The following PXDC1 variants were observed in gnomAD, a reference collection of about 807,000 sequenced individuals.
PXDC1 encodes the protein PX domain-containing protein 1.
Under a neutral mutation model 24.4 loss-of-function variants are expected in PXDC1, and 13 were observed. The observed-to-expected ratio is 0.53, with a 90% CI of 0.35 to 0.85. PXDC1 has a LOEUF of 0.85. Ranked by LOEUF, PXDC1 falls within the 40% of genes least tolerant of loss-of-function variation. PXDC1 has a pLI of 0.01. For missense variants in PXDC1, 344 were observed against 309.3 expected (o/e 1.11, Z -0.84); for synonymous variants, 162 against 124.9 (o/e 1.30, Z -1.98).
chr6:3,750,150 G>C (rs1760668378), intron 1 of PXDC1, among the ~76,000 whole-genome samples: 2 of 152,226 alleles, frequency 1.3e-5, no homozygotes, highest in Non-Finnish European at 1.5e-5. Flanking sequence ...AATTATCCAC[G>C]TAATTCTCAC....
intron 1 of PXDC1, among the ~76,000 whole-genome samples, chr6:3,744,844 T>C (rs1200756831): frequency 1.3e-5 from 2 of 152,204 alleles, no homozygotes; most frequent in African/African-American, 4.8e-5. Flanking sequence ...ACTACAGGCA[T>C]GCGCGCTACC....
chr6:3,751,565 C>T lies in PXDC1; in HGVS notation c.-34G>A. 6.7e-7 allele frequency: 1 copy of T among 1,484,194 alleles called. No homozygotes were observed. 91.9% of individuals were successfully genotyped at this position (1,484,194 alleles called of 1,614,324 possible). A position where few individuals can be genotyped will look rare whatever the true frequency, so the allele number is the denominator to read the frequency against. On this transcript the variant is annotated 5_prime_UTR_variant, in exon 1 of 5. Coordinates refer to ENST00000380283, the MANE Select transcript of PXDC1 (RefSeq NM_183373.4). Reference sequence around the variant, plus strand: ...CATGCCCCCGCCAAGGGCTCCCCAGCCCCGCCGCCCGCCCGCCCGCAGGAG... The same window carrying T: ...CATGCCCCCGCCAAGGGCTCCCCAGTCCCGCCGCCCGCCCGCCCGCAGGAG...
At chr6:3,750,715 G>A (rs1461567416) in intron 1 of PXDC1, among the ~76,000 whole-genome samples, 1 of 152,170 alleles carries the variant, frequency 6.6e-6, no homozygotes, top group Non-Finnish European at 1.5e-5. Context: ...GCTGTCCGCG[G>A]CAGCCGCGGG....
chr6:3,747,098 A>C (rs893832445), intron 1 of PXDC1, among the ~76,000 whole-genome samples: 1 of 151,848 alleles, frequency 6.6e-6, no homozygotes, highest in Non-Finnish European at 1.5e-5. Context: ...AAAACGCTAA[A>C]ATGCCGCCTC....
At chr6:3,735,628 G>T (rs1760300138) in intron 3 of PXDC1, among the ~76,000 whole-genome samples, 1 of 152,200 alleles carries the variant, frequency 6.6e-6, no homozygotes, top group South Asian at 2.1e-4. Flanking sequence ...GGTGGACAGG[G>T]AAAGGCTGGT....
chr6:3,723,167 CT>C lies in PXDC1; in HGVS notation c.*451del, dbSNP rs1272949473. ...TGCCTGTGGCACCTGGAATGGGTGACTTGTCAAAATCTCCCTCAAGACGTTT... is the reference window on the plus strand; with the variant it reads ...TGCCTGTGGCACCTGGAATGGGTGACTGTCAAAATCTCCCTCAAGACGTTT... On this transcript the variant is annotated 3_prime_UTR_variant, in exon 5 of 5. Coordinates refer to ENST00000380283, the MANE Select transcript of PXDC1 (RefSeq NM_183373.4). 1 of 160,132 alleles carries C rather than the reference CT, an allele frequency of 6.2e-6. No individual in the cohort carries two copies. Among genetic ancestry groups the C allele is most frequent in the Admixed American group, 6.4e-5 (1 of 15,594 alleles). The allele number at this position is 160,132 out of a possible 1,614,324, so 9.9% of individuals were successfully genotyped here.
At chr6:3,727,790 A>T (rs7767269) in intron 3 of PXDC1, 128 bp from the exon 4 acceptor site, 135,274 of 647,956 alleles carry the variant, frequency 0.21, 15,822 homozygotes, top group African/African-American at 0.39. Context: ...CCACACCGTA[A>T]GAGAATGCCG....
In PXDC1 at chr6:3,751,558, TCCCCAGCCCCGC is replaced by T; in HGVS notation, c.-39_-28del. On this transcript the variant is annotated 5_prime_UTR_variant, in exon 1 of 5. Coordinates refer to ENST00000380283, the MANE Select transcript of PXDC1 (RefSeq NM_183373.4). ...TCGCACGCATGCCCCCGCCAAGGGC[TCCCCAGCCCCGC>T]CGCCCGCCCGCCCGCAGGAGGCGCG... 6.7e-7 allele frequency: 1 copy of T among 1,502,632 alleles called. No homozygotes were observed. The highest frequency in any genetic ancestry group is 1.5e-5 in the African/African-American group (1 of 68,798). 93.1% of individuals were successfully genotyped at this position (1,502,632 alleles called of 1,614,324 possible).
rs1469047195 is a variant in PXDC1 at position 3,751,543 on chromosome 6, G to A, written c.-12C>T. 5 of 1,555,948 alleles carry A rather than the reference G, an allele frequency of 3.2e-6. No homozygotes were observed. The Admixed American group carries it at 7.3e-5, about 23-fold the overall frequency. On this transcript the variant is annotated 5_prime_UTR_variant, in exon 1 of 5. Coordinates refer to ENST00000380283, the MANE Select transcript of PXDC1 (RefSeq NM_183373.4). ...ACCGCCGAGGCCATGTCGCACGCAT[G>A]CCCCCGCCAAGGGCTCCCCAGCCCC...
chr6:3,728,146 C>G lies in PXDC1; in HGVS notation c.467-484G>C, dbSNP rs1184691111. Among the ~76,000 whole-genome samples the G allele has an allele frequency of 6.6e-6, 1 of 152,128 alleles. No individual in the cohort carries two copies. Among genetic ancestry groups the G allele is most frequent in the African/African-American group, 2.4e-5 (1 of 41,438 alleles). On this transcript the variant is annotated intron_variant, in intron 3 of 4. Transcript: ENST00000380283. The surrounding 1 kb of genome is among the most constrained non-coding windows in gnomAD (Gnocchi z 4.0). ...GAATGAAATCAGTGTGCATTTTATT[C>G]TTATTTCAATAGTTTTGGGGTTACA...
intron 3 of PXDC1, among the ~76,000 whole-genome samples, chr6:3,729,639 T>C (rs1474334642): frequency 6.6e-6 from 1 of 152,238 alleles, no homozygotes; most frequent in African/African-American, 2.4e-5. Flanking sequence ...AAAACTGCCA[T>C]ATCCTAACAA....
rs531928126 is a variant in PXDC1 at position 3,724,040 on chromosome 6, G to C, written c.579-304C>G. ...TGCCCAGCACCGCGTCAGGCTGTGG[G>C]ATCAGCAGTGAACAAGGCAGGCAGG... On this transcript the variant is annotated intron_variant, in intron 4 of 4. Coordinates refer to ENST00000380283, the MANE Select transcript of PXDC1 (RefSeq NM_183373.4). This position sits in a 1 kb window ranked among gnomAD's most constrained non-coding sequence, Gnocchi z 4.5. Among the ~76,000 whole-genome samples, 5 of 152,320 alleles carry C rather than the reference G, an allele frequency of 3.3e-5. No homozygotes were observed. In the East Asian group the frequency reaches 9.6e-4, roughly 29 times the overall value.
At chr6:3,738,739 C>T (rs1045860023) in intron 1 of PXDC1, 21 of 1,269,064 alleles carry the variant, frequency 1.7e-5, no homozygotes, top group Middle Eastern at 2.4e-4. Context: ...GTGCTTCTCA[C>T]GGTCACCACA....
chr6:3,726,952 G>A (rs891974996), intron 4 of PXDC1, among the ~76,000 whole-genome samples: 2 of 152,220 alleles, frequency 1.3e-5, no homozygotes, highest in Admixed American at 1.3e-4. Context: ...GTCTGGATTT[G>A]GCTGTGTCAG....
At chr6:3,739,719 A>G (rs1349915990) in intron 1 of PXDC1, among the ~76,000 whole-genome samples, 1 of 152,266 alleles carries the variant, frequency 6.6e-6, no homozygotes, top group African/African-American at 2.4e-5. Context: ...CGAGAAAACA[A>G]CAAAAGTACC....
intron 1 of PXDC1, chr6:3,739,037 T>C (rs1348230618): frequency 8.2e-7 from 1 of 1,215,428 alleles, no homozygotes; most frequent in Non-Finnish European, 1.1e-6. Context: ...CCGTGATTAC[T>C]GCGATTACTT....
At chr6:3,727,484 G>T in intron 4 of PXDC1, 67 bp downstream of exon 4, 1 of 1,104,388 alleles carries the variant, frequency 9.1e-7, no homozygotes, top group Non-Finnish European at 1.4e-6. Context: ...AGAACAGTGA[G>T]CCCCCATCCC....
intron 3 of PXDC1, among the ~76,000 whole-genome samples, chr6:3,729,699 G>C (rs1327970995): frequency 6.6e-6 from 1 of 152,222 alleles, no homozygotes; most frequent in Non-Finnish European, 1.5e-5. Context: ...TGGCAGCACA[G>C]AACCACTGCC....
In PXDC1 at chr6:3,736,996, G is replaced by T. The variant is rs184091755; in HGVS notation, c.466+83C>A. ...TCTGGAAAAGTGTGGCCCAGCCTCA[G>T]AGACAGCCAACTGTGAGGGTTTCTG... is the stretch of plus-strand genomic sequence containing the variant. On this transcript the variant is annotated intron_variant, in intron 3 of 4. Coordinates refer to ENST00000380283, the MANE Select transcript of PXDC1 (RefSeq NM_183373.4). The T allele has an allele frequency of 1.7e-4, 138 of 834,688 alleles. No individual in the cohort carries two copies. The African/African-American group carries it at 2.0e-3, about 12-fold the overall frequency. The allele number at this position is 834,688 out of a possible 1,614,324, so 51.7% of individuals were successfully genotyped here.
Sources: allele counts gnomAD v4.1 joint callset (sites outside exome capture counted in the v4.1 genomes callset), GRCh38; gene constraint gnomAD v4.1.1; non-coding constraint Gnocchi (gnomAD v3.1); transcripts MANE v1.5; gene names NCBI Gene and HGNC (gene_info 2026-07-23, HGNC 2026-07-21).